MAMDC2: variants seen among roughly 807,000 people sequenced by gnomAD.
MAMDC2 encodes MAM domain containing 2, also known as MAM domain-containing protein 2.
In MAMDC2, 57 loss-of-function variants were observed where a neutral mutation model predicts 89.8. The ratio of observed to expected loss-of-function variants is 0.63; its 90% CI spans 0.51 to 0.79. MAMDC2 has a LOEUF of 0.79. MAMDC2 is among the 30% of genes least tolerant of loss of function. The probability of loss-of-function intolerance (pLI) is 0.00; values close to 1 mark genes in which losing one functional copy is unlikely to be tolerated. For missense variants in MAMDC2, 800 were observed against 820.6 expected, an observed-to-expected ratio of 0.97 and a Z score of 0.31; for synonymous variants, 313 against 293.4, an observed-to-expected ratio of 1.07 and a Z score of -0.68.
intron 11 of MAMDC2, among the ~76,000 whole-genome samples, chr9:70,215,060 GAAGT>G (rs1247260011): frequency 1.3e-5 from 2 of 152,246 alleles, no homozygotes; most frequent in East Asian, 1.9e-4. Flanking sequence ...GATCATCAAG[GAAGT>G]AAGAATAGCG....
At chr9:70,044,559 A>G in intron 1 of MAMDC2, 25 bp from the exon 2 acceptor site, 1 of 1,538,650 alleles carries the variant, frequency 6.5e-7, no homozygotes. Context: ...TGGAGCTCGA[A>G]CTGAAACTCG....
chr9:70,113,358 C>G (rs944831146), intron 5 of MAMDC2, among the ~76,000 whole-genome samples: 2 of 152,180 alleles, frequency 1.3e-5, no homozygotes, highest in African/African-American at 4.8e-5. Context: ...AAGGGGAAGG[C>G]CATTCCATTA....
chr9:70,125,583 C>T lies in MAMDC2; in HGVS notation c.644-576C>T, dbSNP rs567393651. ...CATTCACTCCTCCAAATTTCAGTGT[C>T]GATTGACTTGCATGCTATTAACAAC... On this transcript the variant is annotated intron_variant, in intron 5 of 13. Coordinates refer to ENST00000377182, the MANE Select transcript of MAMDC2 (RefSeq NM_153267.5). 6.6e-5 allele frequency among the ~76,000 whole-genome samples: 10 copies of T among 152,294 alleles called. No individual in the cohort carries two copies. In the East Asian group the frequency reaches 1.5e-3, roughly 23 times the overall value.
At chr9:70,191,793 T>C (rs1479286514) in intron 11 of MAMDC2, among the ~76,000 whole-genome samples, 1 of 152,160 alleles carries the variant, frequency 6.6e-6, no homozygotes, top group Non-Finnish European at 1.5e-5. Flanking sequence ...TGTACTAAAC[T>C]TCAATTTTTG....
intron 2 of MAMDC2, among the ~76,000 whole-genome samples, chr9:70,095,750 T>A (rs375753961): frequency 6.6e-6 from 1 of 152,176 alleles, no homozygotes; most frequent in African/African-American, 2.4e-5. Context: ...GTTAAGTAAT[T>A]TGGATGCCTA....
chr9:70,097,462 A>T (rs1587467053), intron 2 of MAMDC2, among the ~76,000 whole-genome samples: 1 of 152,336 alleles, frequency 6.6e-6, no homozygotes, highest in East Asian at 1.9e-4. Context: ...TACCCCACCC[A>T]TGACCCTGTG....
chr9:70,102,141 C>T (rs1286303101), intron 2 of MAMDC2, among the ~76,000 whole-genome samples: 2 of 151,932 alleles, frequency 1.3e-5, no homozygotes, highest in Non-Finnish European at 2.9e-5. Flanking sequence ...TTGTTTTTTT[C>T]TAAGTACATT....
chr9:70,062,573 T>C (rs1827173608), intron 2 of MAMDC2: 1 of 152,216 alleles, frequency 6.6e-6, no homozygotes, highest in Non-Finnish European at 1.5e-5. Flanking sequence ...TTTGGGACAC[T>C]ACTTAGCCAG....
At chr9:70,112,158 G>T (rs181680371) in intron 4 of MAMDC2, among the ~76,000 whole-genome samples, 1 of 152,172 alleles carries the variant, frequency 6.6e-6, no homozygotes, top group Non-Finnish European at 1.5e-5. Flanking sequence ...TCCGCAGGGG[G>T]CCAGTGGCCA....
At chr9:70,085,280 G>A (rs1346588305) in intron 2 of MAMDC2, among the ~76,000 whole-genome samples, 1 of 152,042 alleles carries the variant, frequency 6.6e-6, no homozygotes, top group Non-Finnish European at 1.5e-5. Flanking sequence ...AGAGTTTTAA[G>A]TCCTCCAGTG....
chr9:70,210,133 T>C (rs1417877857), intron 11 of MAMDC2, among the ~76,000 whole-genome samples: 3 of 152,234 alleles, frequency 2.0e-5, no homozygotes, highest in Non-Finnish European at 4.4e-5. Context: ...TGGAGAGTTC[T>C]GCAGATATCT....
chr9:70,218,237 G>A (rs995696744), intron 11 of MAMDC2, 100 bp from the exon 12 acceptor site: 6 of 1,319,290 alleles, frequency 4.5e-6, no homozygotes, highest in Admixed American at 4.7e-5. Flanking sequence ...AGTACTTTTA[G>A]TCAGATCATC....
chr9:70,220,808 T>A (rs191304751), intron 12 of MAMDC2, among the ~76,000 whole-genome samples: 8 of 152,352 alleles, frequency 5.3e-5, no homozygotes, highest in South Asian at 4.1e-4. Context: ...AGATACCTTT[T>A]ACACTCTGAG....
intron 2 of MAMDC2, chr9:70,093,781 C>A (rs1287788864): frequency 6.6e-6 from 1 of 152,106 alleles, no homozygotes; most frequent in East Asian, 1.9e-4. Context: ...CCCTACCTGA[C>A]AAATGATGTA....
At chr9:70,138,506 T>C (rs2031084464) in intron 7 of MAMDC2, among the ~76,000 whole-genome samples, 1 of 152,212 alleles carries the variant, frequency 6.6e-6, no homozygotes, top group Non-Finnish European at 1.5e-5. Context: ...GTGGCTGTGC[T>C]AGTTTACATT....
intron 2 of MAMDC2, among the ~76,000 whole-genome samples, chr9:70,058,803 C>T (rs1428007790): frequency 6.6e-6 from 1 of 152,224 alleles, no homozygotes; most frequent in East Asian, 1.9e-4. Context: ...TTCTCCCATA[C>T]ACAGGGAGAA....
chr9:70,043,843 G>A (rs1417139666), upstream of MAMDC2: 6 of 324,244 alleles, frequency 1.9e-5, no homozygotes, highest in South Asian at 2.1e-4. Context: ...AAGGCACTGC[G>A]GGCCGACCTC....
In MAMDC2 at chr9:70,218,544, G is replaced by A; in HGVS notation, c.1859G>A (p.Ser620Asn). The A allele has an allele frequency of 6.2e-7, 1 of 1,614,148 alleles. No homozygotes were observed. Among genetic ancestry groups the A allele is most frequent in the Non-Finnish European group, 8.5e-7 (1 of 1,180,014 alleles). Residue 620 changes from serine to asparagine, a missense_variant, in exon 12 of 14, where the codon AGC (serine) becomes AAC (asparagine). Physicochemically the swap from Ser to Asn is conservative, Grantham distance 46. Transcript: ENST00000377182. ...TTATGGAGGAGAAGAGGTGAACAGA[G>A]CATTTCCTGGCTACGAGCACTGATT... Reference protein sequence around the residue: ...SLLWRRRGEQSISWLRALIEY... With the variant: ...SLLWRRRGEQNISWLRALIEY...
intron 11 of MAMDC2, among the ~76,000 whole-genome samples, chr9:70,181,635 C>T (rs2032648037): frequency 6.6e-6 from 1 of 152,042 alleles, no homozygotes; most frequent in South Asian, 2.1e-4. Context: ...GGGAAGTTCA[C>T]TCATTATTTG....
Sources: allele counts gnomAD v4.1 joint callset (sites outside exome capture counted in the v4.1 genomes callset), GRCh38; gene constraint gnomAD v4.1.1; transcripts MANE v1.5; gene names NCBI Gene and HGNC (gene_info 2026-07-23, HGNC 2026-07-21).